The following ZNF514 variants were observed in gnomAD, a reference collection of about 807,000 sequenced individuals.
ZNF514 encodes the protein zinc finger protein 514.
A neutral mutation model predicts 9.7 loss-of-function variants in ZNF514; 12 were observed. The observed-to-expected ratio is 1.24, with a 90% confidence interval of 0.79 to 2.01. The LOEUF (loss-of-function observed/expected upper bound fraction) is 2.01, where lower values mean the gene tolerates loss of function less well. ZNF514 is among the 30% of genes most tolerant of loss of function. The pLI is 0.00. For synonymous variants in ZNF514, 158 were observed against 163.7 expected (o/e 0.97, Z 0.27); for missense variants, 467 against 465.5 (o/e 1.00, Z -0.03).
At chr2:95,154,880 G>A (rs1372694422) in intron 2 of ZNF514, 1 of 152,136 alleles carries the variant, frequency 6.6e-6, no homozygotes, top group African/African-American at 2.4e-5. Flanking sequence ...AAACCTCTGA[G>A]TAATTTCAAA....
rs1191361399 is a variant in ZNF514, at chr2:95,159,727, G to A, written c.-583C>T. 7.2e-6 allele frequency: 1 copy of A among 139,344 alleles called. No homozygotes were observed. Among genetic ancestry groups the A allele is most frequent in the African/African-American group, 2.6e-5 (1 of 39,034 alleles). The allele number at this position is 139,344 out of a possible 1,614,324, so 8.6% of individuals were successfully genotyped here. A position where few individuals can be genotyped will look rare whatever the true frequency, so the allele number is the denominator to read the frequency against. On this transcript the variant is annotated 5_prime_UTR_variant, in exon 1 of 5. Transcript: ENST00000295208. ...CAGCCCCCGCGTCCGCCCCGCGCCA[G>A]CCCCCGCGTCCGCCCCGCGCCAGCC...
At chr2:95,159,130 G>A (rs915176114) in intron 1 of ZNF514, 110 bp downstream of exon 1, 1 of 876,876 alleles carries the variant, frequency 1.1e-6, no homozygotes, top group Non-Finnish European at 1.5e-6. Context: ...GGCGCGGCGG[G>A]GCCAGCGGAC....
At chr2:95,155,523 T>C (rs1023161241) in intron 2 of ZNF514, 1 of 152,204 alleles carries the variant, frequency 6.6e-6, no homozygotes, top group African/African-American at 2.4e-5. Flanking sequence ...AGTTTATAGG[T>C]ATCCAGACCC....
In ZNF514 at chr2:95,159,559, G is replaced by T. The variant is rs1011024558; in HGVS notation, c.-415C>A. 2.1e-3 allele frequency: 317 copies of T among 151,760 alleles called. 3 individuals are homozygous for T. The highest frequency in any genetic ancestry group is 7.4e-3 in the African/African-American group (305 of 41,338). The allele number at this position is 151,760 out of a possible 1,614,324, so 9.4% of individuals were successfully genotyped here. On this transcript the variant is annotated 5_prime_UTR_variant, in exon 1 of 5. Transcript: ENST00000295208. ...GGGCCCAGTACAGGTCTGCGCGCCC[G>T]CAGTCTCCGAACGCTCACAGGACCA...
In ZNF514 at chr2:95,146,619, G is replaced by A. The variant is rs898757550; in HGVS notation, c.*2663C>T. ...AGAGGGCATTATATACCACACACGGGGGGTGAGGATTTATCTTGTAGGCCG... is the reference window on the plus strand; with the variant it reads ...AGAGGGCATTATATACCACACACGGAGGGTGAGGATTTATCTTGTAGGCCG... On this transcript the variant is annotated 3_prime_UTR_variant, in exon 5 of 5. Transcript: ENST00000295208. Among the ~76,000 whole-genome samples, 1 of 150,436 alleles carries A rather than the reference G, an allele frequency of 6.6e-6. No homozygotes were observed. The highest frequency in any genetic ancestry group is 2.5e-5 in the African/African-American group (1 of 40,786).
chr2:95,132,151 A>AG, the ZNF514 span, among the ~76,000 whole-genome samples: 1 of 150,236 alleles, frequency 6.7e-6, no homozygotes, highest in East Asian at 1.9e-4. Flanking sequence ...TCTCAAAAAA[A>AG]AAAAAAAAAA....
At position 95,157,401 on chromosome 2, in the gene ZNF514, A is replaced by G. The variant is rs1219547903; in HGVS notation, c.-57T>C. ...TTGGTTGTTCCCTCTTCTCCTGGGAATCTCTCTGGAGGAAGAGCAGGATTC... is the reference window on the plus strand; with the variant it reads ...TTGGTTGTTCCCTCTTCTCCTGGGAGTCTCTCTGGAGGAAGAGCAGGATTC... On this transcript the variant is annotated 5_prime_UTR_variant, in exon 2 of 5. Coordinates refer to ENST00000295208, the MANE Select transcript of ZNF514 (RefSeq NM_032788.3). 7.8e-7 allele frequency: 1 copy of G among 1,289,658 alleles called. No individual in the cohort carries two copies. The highest frequency in any genetic ancestry group is 1.0e-6 in the Non-Finnish European group (1 of 988,764). 79.9% of individuals were successfully genotyped at this position (1,289,658 alleles called of 1,614,324 possible).
intron 4 of ZNF514, among the ~76,000 whole-genome samples, chr2:95,152,435 C>G (rs1673568491): frequency 6.6e-6 from 1 of 152,126 alleles, no homozygotes; most frequent in Admixed American, 6.5e-5. Flanking sequence ...TGCATGGCAC[C>G]AATAACCCAG....
In ZNF514 at chr2:95,150,272, T is replaced by TAA. The variant is rs34282100; in HGVS notation, c.218-7_218-6dup. ...ATTTAGACCTTCTCTTCCAGTCTGT[T>TAA]AAAAAAAAAAAAAAAAAAAGAAGAC... On this transcript the variant is annotated splice_region_variant and splice_polypyrimidine_tract_variant and intron_variant, in intron 4 of 4. Coordinates refer to ENST00000295208, the MANE Select transcript of ZNF514 (RefSeq NM_032788.3). The TAA allele has an allele frequency of 0.055, 72,321 of 1,325,096 alleles. 1,353 individuals are homozygous for TAA. Among genetic ancestry groups the TAA allele is most frequent in the African/African-American group, 0.2 (12,231 of 61,054 alleles). 82.1% of individuals were successfully genotyped at this position (1,325,096 alleles called of 1,614,324 possible). A position where few individuals can be genotyped will look rare whatever the true frequency, so the allele number is the denominator to read the frequency against.
At chr2:95,138,222 A>G in the ZNF514 span, among the ~76,000 whole-genome samples, 8 of 152,356 alleles carry the variant, frequency 5.3e-5, no homozygotes, top group East Asian at 1.3e-3. Context: ...GGACATTGCT[A>G]TAAAGATAAC....
At chr2:95,133,573 G>A in the ZNF514 span, among the ~76,000 whole-genome samples, 1 of 152,120 alleles carries the variant, frequency 6.6e-6, no homozygotes, top group Admixed American at 6.6e-5. Flanking sequence ...TGTGGATTCA[G>A]CCAACCAAGA....
chr2:95,158,769 C>A, intron 1 of ZNF514: 1 of 1,195,998 alleles, frequency 8.4e-7, no homozygotes, highest in East Asian at 5.9e-5. Flanking sequence ...ATCTAGAGAC[C>A]CCTGCCAGAC....
chr2:95,143,963 G>T (rs998087698), downstream of ZNF514, among the ~76,000 whole-genome samples: 3 of 152,214 alleles, frequency 2.0e-5, no homozygotes, highest in African/African-American at 7.2e-5. Flanking sequence ...TTTACAGTGG[G>T]TGCTTAATTG....
rs911872022 is a variant in ZNF514, at chr2:95,148,029, T to A, written c.*1253A>T. 1 of 152,244 alleles carries A rather than the reference T, an allele frequency of 6.6e-6. No individual in the cohort carries two copies. Among genetic ancestry groups the A allele is most frequent in the Non-Finnish European group, 1.5e-5 (1 of 68,054 alleles). 9.4% of individuals were successfully genotyped at this position (152,244 alleles called of 1,614,324 possible). ...ATAAAGATGTAACAAAAATTGCTTTTTGCTCAATCCTAGACCACTCCATTG... is the reference window on the plus strand; with the variant it reads ...ATAAAGATGTAACAAAAATTGCTTTATGCTCAATCCTAGACCACTCCATTG... On this transcript the variant is annotated 3_prime_UTR_variant, in exon 5 of 5. Coordinates refer to ENST00000295208, the MANE Select transcript of ZNF514 (RefSeq NM_032788.3).
downstream of ZNF514, among the ~76,000 whole-genome samples, chr2:95,140,613 G>GAA (rs1216609210): frequency 6.6e-6 from 1 of 151,104 alleles, no homozygotes; most frequent in Non-Finnish European, 1.5e-5. Context: ...ACTTCATCTT[G>GAA]AAAAAATATA....
At chr2:95,125,382 A>C in the ZNF514 span, among the ~76,000 whole-genome samples, 465 of 152,020 alleles carry the variant, frequency 3.1e-3, 4 homozygotes, top group Middle Eastern at 0.01. Context: ...CTGGGACTAC[A>C]GGCGCCCACC....
downstream of ZNF514, among the ~76,000 whole-genome samples, chr2:95,141,105 G>C (rs1407968926): frequency 1.3e-5 from 2 of 152,082 alleles, no homozygotes; most frequent in East Asian, 3.9e-4. Context: ...TTGGGTAATG[G>C]GTGCACCAAA....
At chr2:95,159,105 G>A in intron 1 of ZNF514, 135 bp downstream of exon 1, 1 of 1,051,180 alleles carries the variant, frequency 9.5e-7, no homozygotes, top group Non-Finnish European at 1.2e-6. Flanking sequence ...TGGGGGACAC[G>A]GGGCATCCCC....
chr2:95,142,759 TGTTTATGTGAACA>T (rs939020131), downstream of ZNF514, among the ~76,000 whole-genome samples: 2 of 152,228 alleles, frequency 1.3e-5, no homozygotes, highest in Admixed American at 6.5e-5. Flanking sequence ...GCTTACTTAC[TGTTTATGTGAACA>T]GAGCAGTGCT....
Sources: allele counts gnomAD v4.1 joint callset (sites outside exome capture counted in the v4.1 genomes callset), GRCh38; gene constraint gnomAD v4.1.1; transcripts MANE v1.5; gene names NCBI Gene and HGNC (gene_info 2026-07-23, HGNC 2026-07-21).